The following NHSL3 variants were observed in gnomAD, a reference collection of about 807,000 sequenced individuals.
The protein encoded by NHSL3 is NHS-like protein 3.
At chr1:32,750,733 G>C in the NHSL3 span, among the ~76,000 whole-genome samples, 2 of 151,712 alleles carry the variant, frequency 1.3e-5, no homozygotes, top group Non-Finnish European at 1.5e-5. Flanking sequence ...GTCTTAAACT[G>C]CTGACCTTGT....
At chr1:32,764,592 C>T in the NHSL3 span, among the ~76,000 whole-genome samples, 4 of 151,978 alleles carry the variant, frequency 2.6e-5, no homozygotes, top group East Asian at 1.9e-4. Flanking sequence ...CTCGGCCTCC[C>T]GAGTAGCTGA....
At chr1:32,756,950 CAAG>C in the NHSL3 span, among the ~76,000 whole-genome samples, 1 of 152,198 alleles carries the variant, frequency 6.6e-6, no homozygotes, top group Admixed American at 6.5e-5. Flanking sequence ...GCCTGGGTGA[CAAG>C]AACTCGACTC....
the NHSL3 span, chr1:32,772,172 A>T: frequency 6.2e-7 from 1 of 1,613,364 alleles, no homozygotes; most frequent in Non-Finnish European, 8.5e-7. Flanking sequence ...CTCCAGCGGA[A>T]TCTGGTGGCA....
chr1:32,768,553 C>G, the NHSL3 span: 1 of 1,460,698 alleles, frequency 6.8e-7, no homozygotes, highest in South Asian at 1.2e-5. Flanking sequence ...CAAGATTTCG[C>G]TACTGCACTC....
chr1:32,753,980 G>C, the NHSL3 span: 1 of 369,024 alleles, frequency 2.7e-6, no homozygotes, highest in Non-Finnish European at 5.0e-6. Context: ...GGCTGGGGGC[G>C]CCCGCGGTGC....
At chr1:32,770,725 G>T in the NHSL3 span, 1 of 1,552,326 alleles carries the variant, frequency 6.4e-7, no homozygotes, top group South Asian at 1.2e-5. The surrounding 1 kb of genome is among the most constrained non-coding windows in gnomAD (Gnocchi z 8.3). Context: ...AGCAGTGCCT[G>T]ATGGGCCATT....
At chr1:32,746,507 T>G in the NHSL3 span, among the ~76,000 whole-genome samples, 1 of 152,314 alleles carries the variant, frequency 6.6e-6, no homozygotes, top group South Asian at 2.1e-4. Context: ...CCAGGCATTT[T>G]CATCAAAGTC....
chr1:32,770,700 C>T, the NHSL3 span: 2 of 1,541,756 alleles, frequency 1.3e-6, no homozygotes, highest in Non-Finnish European at 1.8e-6. This position sits in a 1 kb window ranked among gnomAD's most constrained non-coding sequence, Gnocchi z 8.3. Flanking sequence ...CCCACTCCCT[C>T]CATCAGCGGG....
At chr1:32,764,471 CTT>C in the NHSL3 span, among the ~76,000 whole-genome samples, 16 of 142,222 alleles carry the variant, frequency 1.1e-4, no homozygotes, top group Non-Finnish European at 1.4e-4. Context: ...TTGTTTTTTT[CTT>C]TTTTTTTTTT....
chr1:32,768,043 C>T, the NHSL3 span: 1 of 1,613,676 alleles, frequency 6.2e-7, no homozygotes, highest in Admixed American at 1.7e-5. Flanking sequence ...ACCCAACAGA[C>T]CCTTCTGGTG....
the NHSL3 span, chr1:32,772,182 A>G: frequency 1.2e-6 from 2 of 1,613,350 alleles, no homozygotes; most frequent in Non-Finnish European, 1.7e-6. Context: ...ATCTGGTGGC[A>G]GAACTCCGGA....
the NHSL3 span, among the ~76,000 whole-genome samples, chr1:32,769,243 G>A: frequency 1.0e-3 from 156 of 150,870 alleles, 1 homozygote; most frequent in African/African-American, 3.7e-3. Context: ...GACAGTGTGA[G>A]ACTCCATCTC....
At chr1:32,758,786 T>C in the NHSL3 span, among the ~76,000 whole-genome samples, 12 of 152,066 alleles carry the variant, frequency 7.9e-5, no homozygotes, top group Non-Finnish European at 1.5e-4. Flanking sequence ...AAAAGCACAG[T>C]ACCTGGCTCA....
the NHSL3 span, chr1:32,770,457 G>C: frequency 1.2e-5 from 20 of 1,603,560 alleles, no homozygotes; most frequent in South Asian, 2.0e-4. The surrounding 1 kb of genome is among the most constrained non-coding windows in gnomAD (Gnocchi z 8.3). Flanking sequence ...ACACCATTGT[G>C]TCTGACGGTT....
the NHSL3 span, chr1:32,770,176 G>A: frequency 6.2e-7 from 1 of 1,601,104 alleles, no homozygotes; most frequent in Non-Finnish European, 8.5e-7. The surrounding 1 kb of genome is among the most constrained non-coding windows in gnomAD (Gnocchi z 8.3). Flanking sequence ...AGGAGGGGCA[G>A]GGCCTGCAGA....
the NHSL3 span, among the ~76,000 whole-genome samples, chr1:32,753,378 G>C: frequency 6.6e-6 from 1 of 151,798 alleles, no homozygotes. Flanking sequence ...CCAGCTACTC[G>C]GGAGGCTGAG....
At chr1:32,763,124 G>A in the NHSL3 span, among the ~76,000 whole-genome samples, 1 of 151,710 alleles carries the variant, frequency 6.6e-6, no homozygotes, top group African/African-American at 2.4e-5. Flanking sequence ...GGGACTACAG[G>A]TACACACCAC....
chr1:32,772,399 C>T, the NHSL3 span: 35 of 1,556,044 alleles, frequency 2.2e-5, no homozygotes, highest in Non-Finnish European at 2.9e-5. Flanking sequence ...AGGTGTCCTG[C>T]AGCTGGTGGG....
chr1:32,769,791 G>A, the NHSL3 span: 2 of 1,613,462 alleles, frequency 1.2e-6, no homozygotes, highest in Non-Finnish European at 1.7e-6. Context: ...AGCTTGGTGA[G>A]GCCTGGGTTA....
Sources: allele counts gnomAD v4.1 joint callset (sites outside exome capture counted in the v4.1 genomes callset), GRCh38; gene constraint gnomAD v4.1.1; non-coding constraint Gnocchi (gnomAD v3.1); transcripts MANE v1.5; gene names NCBI Gene and HGNC (gene_info 2026-07-23, HGNC 2026-07-21).